Variants in STK24 observed in about 807,000 individuals in gnomAD.
The protein encoded by STK24 is serine/threonine kinase 24.
STK24 carries 21 observed loss-of-function variants against 55.6 expected under a neutral mutation model. The ratio of observed to expected loss-of-function variants is 0.38; its 90% CI spans 0.27 to 0.54. The LOEUF (loss-of-function observed/expected upper bound fraction) is 0.54. Among genes scored for constraint, STK24 ranks in the 20% least tolerant of loss-of-function variants. The probability of loss-of-function intolerance (pLI) is 0.79; values close to 1 mark genes in which losing one functional copy is unlikely to be tolerated. For synonymous variants in STK24, 200 were observed against 215.2 expected, an observed-to-expected ratio of 0.93 and a Z score of 0.62; for missense variants, 383 against 538.4, an observed-to-expected ratio of 0.71 and a Z score of 2.86.
At chr13:98,482,066 C>CAA (rs34520150) in intron 3 of STK24, among the ~76,000 whole-genome samples, 199 bp downstream of exon 3, 1,241 of 99,978 alleles carry the variant, frequency 0.012, 17 homozygotes, top group African/African-American at 0.041. Flanking sequence ...GACTCTATCT[C>CAA]AAAAAAAAAA....
At chr13:98,463,606 A>C in intron 7 of STK24, 85 bp downstream of exon 7, 1 of 1,463,166 alleles carries the variant, frequency 6.8e-7, no homozygotes. Flanking sequence ...AAAACTCAAC[A>C]GAAAACGAAA....
At chr13:98,508,035 T>C (rs1482940967) in intron 2 of STK24, among the ~76,000 whole-genome samples, 1 of 152,104 alleles carries the variant, frequency 6.6e-6, no homozygotes, top group Non-Finnish European at 1.5e-5. Flanking sequence ...GACATTACAA[T>C]AAACTCAAAA....
chr13:98,485,036 C>G (rs1161901926), intron 2 of STK24, among the ~76,000 whole-genome samples: 1 of 152,168 alleles, frequency 6.6e-6, no homozygotes, highest in Non-Finnish European at 1.5e-5. Flanking sequence ...CCAGCACCAA[C>G]AACCAGGGGG....
intron 6 of STK24, among the ~76,000 whole-genome samples, chr13:98,465,397 G>T (rs1464026241): frequency 1.3e-5 from 2 of 152,234 alleles, no homozygotes; most frequent in African/African-American, 2.4e-5. Context: ...GCCCATACAG[G>T]ACACATGCTT....
chr13:98,568,371 G>C (rs1310424177), intron 1 of STK24, among the ~76,000 whole-genome samples: 1 of 152,136 alleles, frequency 6.6e-6, no homozygotes, highest in Non-Finnish European at 1.5e-5. Flanking sequence ...CCTCTGCCGG[G>C]GGAATGAGTG....
chr13:98,460,306 C>A (rs1893646803), intron 9 of STK24, 66 bp downstream of exon 9: 2 of 1,436,138 alleles, frequency 1.4e-6, no homozygotes, highest in South Asian at 1.2e-5. Context: ...AACATCACCA[C>A]TGAAGTGTGT....
chr13:98,469,398 A>T (rs559026306), intron 5 of STK24, among the ~76,000 whole-genome samples: 1 of 152,064 alleles, frequency 6.6e-6, no homozygotes, highest in Non-Finnish European at 1.5e-5. Context: ...AAAATACAAA[A>T]ATCAGCCGGG....
chr13:98,558,298 T>C (rs1364416390), intron 1 of STK24, among the ~76,000 whole-genome samples: 1 of 152,242 alleles, frequency 6.6e-6, no homozygotes, highest in East Asian at 1.9e-4. Flanking sequence ...CCTACCGGTT[T>C]TATGAACTAT....
At chr13:98,478,289 C>T (rs762530543) in intron 3 of STK24, among the ~76,000 whole-genome samples, 5 of 152,230 alleles carry the variant, frequency 3.3e-5, no homozygotes, top group African/African-American at 4.8e-5. Flanking sequence ...AGCCTGTCCT[C>T]CCCTGCTTCG....
Position 98,448,405 on chromosome 13 carries a change from C to A in STK24, c.*4768G>T, listed in dbSNP as rs1892997338. On this transcript the variant is annotated 3_prime_UTR_variant, in exon 11 of 11. Coordinates refer to ENST00000539966, the MANE Select transcript of STK24 (RefSeq NM_001032296.4). ...TTAATGAAGCCTGGTAAAATTAACA[C>A]CTGTCTGAAAATCAAAAACATGGCT... 1.8e-6 allele frequency: 2 copies of A among 1,088,486 alleles called. No individual in the cohort carries two copies. Among genetic ancestry groups the A allele is most frequent in the East Asian group, 2.4e-5 (1 of 41,846 alleles). The allele number at this position is 1,088,486 out of a possible 1,614,324, so 67.4% of individuals were successfully genotyped here. A position where few individuals can be genotyped will look rare whatever the true frequency, so the allele number is the denominator to read the frequency against.
intron 1 of STK24, among the ~76,000 whole-genome samples, chr13:98,569,340 T>G (rs1220055963): frequency 6.6e-6 from 1 of 151,236 alleles, no homozygotes; most frequent in Non-Finnish European, 1.5e-5. Context: ...ACGCTGCCTA[T>G]TCACAGAAAA....
chr13:98,448,508 C>G lies in STK24; in HGVS notation c.*4665G>C, dbSNP rs542620507. On this transcript the variant is annotated 3_prime_UTR_variant, in exon 11 of 11. Coordinates refer to ENST00000539966, the MANE Select transcript of STK24 (RefSeq NM_001032296.4). ...GCGTCTGAATGAACAGCGCTCCCAC[C>G]TCCAGTCCTGGCATCCGCTGGGGGC... 1.7e-6 allele frequency: 1 copy of G among 585,724 alleles called. No individual in the cohort carries two copies. Among genetic ancestry groups the G allele is most frequent in the African/African-American group, 1.9e-5 (1 of 53,556 alleles). 36.3% of individuals were successfully genotyped at this position (585,724 alleles called of 1,614,324 possible).
intron 2 of STK24, among the ~76,000 whole-genome samples, chr13:98,514,123 A>ATT (rs1895976210): frequency 6.6e-6 from 1 of 152,234 alleles, no homozygotes; most frequent in Non-Finnish European, 1.5e-5. Context: ...GCAGATAGGC[A>ATT]TAGTAAGTAG....
At chr13:98,467,306 C>T (rs1198966675) in intron 5 of STK24, among the ~76,000 whole-genome samples, 1 of 152,128 alleles carries the variant, frequency 6.6e-6, no homozygotes, top group Non-Finnish European at 1.5e-5. Context: ...CATTTTCCCC[C>T]GAGTATTTCC....
chr13:98,467,744 T>C (rs1893976194), intron 5 of STK24, among the ~76,000 whole-genome samples: 1 of 151,952 alleles, frequency 6.6e-6, no homozygotes. Flanking sequence ...ACCAAGCAGT[T>C]AGGCAAAGGA....
chr13:98,496,733 TA>T (rs1895265340), intron 2 of STK24, among the ~76,000 whole-genome samples: 1 of 152,222 alleles, frequency 6.6e-6, no homozygotes, highest in Non-Finnish European at 1.5e-5. Flanking sequence ...TTGCACCACT[TA>T]AAGAGAATCA....
intron 1 of STK24, among the ~76,000 whole-genome samples, chr13:98,575,071 T>A (rs1282637147): frequency 6.6e-6 from 1 of 150,878 alleles, no homozygotes; most frequent in Non-Finnish European, 1.5e-5. Context: ...TGATAAAACT[T>A]TTTTTTTAAA....
chr13:98,514,744 G>C (rs1469540915), intron 2 of STK24, among the ~76,000 whole-genome samples: 1 of 152,068 alleles, frequency 6.6e-6, no homozygotes, highest in African/African-American at 2.4e-5. Context: ...ATGTTTGAGA[G>C]GAATAAATAA....
chr13:98,529,073 G>T (rs1299950579), intron 1 of STK24, among the ~76,000 whole-genome samples: 2 of 152,138 alleles, frequency 1.3e-5, no homozygotes, highest in Non-Finnish European at 2.9e-5. Context: ...GGGCACGCAG[G>T]TGGAAACCTA....
Sources: allele counts gnomAD v4.1 joint callset (sites outside exome capture counted in the v4.1 genomes callset), GRCh38; gene constraint gnomAD v4.1.1; transcripts MANE v1.5; gene names NCBI Gene and HGNC (gene_info 2026-07-23, HGNC 2026-07-21).